The following SKOR1 variants were observed in gnomAD, a reference collection of about 807,000 sequenced individuals.
SKOR1 encodes LBX1 corepressor 1.
SKOR1 carries 38 observed loss-of-function variants against 72.4 expected under a neutral mutation model. The ratio of observed to expected loss-of-function variants is 0.52; its 90% CI spans 0.40 to 0.69. SKOR1 has a LOEUF of 0.69. Ranked by LOEUF, SKOR1 falls within the 30% of genes least tolerant of loss-of-function variation. The pLI is 0.00. For synonymous variants in SKOR1, 642 were observed against 599.4 expected, an observed-to-expected ratio of 1.07 and a Z score of -1.04; for missense variants, 1,320 against 1,343.2, an observed-to-expected ratio of 0.98 and a Z score of 0.27.
chr15:67,827,237 A>T lies in SKOR1; in HGVS notation c.1409A>T (p.Lys470Met). The T allele has an allele frequency of 6.4e-7, 1 of 1,573,948 alleles. No homozygotes were observed. Among genetic ancestry groups the T allele is most frequent in the Non-Finnish European group, 8.6e-7 (1 of 1,168,452 alleles). ...GGGCATCAACCCTCCGGGGCAGCCA[A>T]GGACGCAGCGGCAGTGGCTGCAGCG... ...FWGHQPSGAA[K>M]DAAAVAAAAA... The change falls in exon 2 of 9, where the codon AAG becomes ATG. Residue 470 changes from lysine to methionine, a missense_variant. Around this residue, in one of 3 missense-constraint regions of SKOR1, gnomAD observed 1,099 missense variants for 1,025.5 expected, o/e 1.07. Coordinates refer to ENST00000380035, the MANE Select transcript of SKOR1 (RefSeq NM_001365915.1).
In SKOR1 at chr15:67,825,754, T is replaced by G; in HGVS notation, c.107+45T>G. 8.9e-7 allele frequency: 1 copy of G among 1,126,286 alleles called. No individual in the cohort carries two copies. Among genetic ancestry groups the G allele is most frequent in the Non-Finnish European group, 1.3e-6 (1 of 756,866 alleles). The allele number at this position is 1,126,286 out of a possible 1,614,324, so 69.8% of individuals were successfully genotyped here. A position where few individuals can be genotyped will look rare whatever the true frequency, so the allele number is the denominator to read the frequency against. On this transcript the variant is annotated intron_variant, in intron 1 of 8. Coordinates refer to ENST00000380035, the MANE Select transcript of SKOR1 (RefSeq NM_001365915.1). This position sits in a 1 kb window ranked among gnomAD's most constrained non-coding sequence, Gnocchi z 5.6. The stretch of plus-strand genomic sequence containing the variant: ...CTCCCCCAAGCCCCGGGGGCTGTTG[T>G]TAACGGCGCCAACATGGGTCTGAGT...
In SKOR1 at chr15:67,827,132, G is replaced by C; in HGVS notation, c.1304G>C (p.Gly435Ala). 3 of 1,391,116 alleles carry C rather than the reference G, an allele frequency of 2.2e-6. No individual in the cohort carries two copies. The highest frequency in any genetic ancestry group is 2.8e-6 in the Non-Finnish European group (3 of 1,081,562). The allele number at this position is 1,391,116 out of a possible 1,614,324, so 86.2% of individuals were successfully genotyped here. Residue 435 changes from glycine to alanine, a missense_variant, in exon 2 of 9, where the codon GGC becomes GCC. Around this residue, in one of 3 missense-constraint regions of SKOR1, gnomAD observed 1,099 missense variants for 1,025.5 expected, o/e 1.07. Transcript: ENST00000380035. ...AGCGGCGGCGGCGGCGCGGGGACAG[G>C]CGGGGGTGCGGGGGGCCCGGGAGCC... ...TGSGGGGAGTGGGAGGPGASH... is the reference protein window; with the variant it reads ...TGSGGGGAGTAGGAGGPGASH...
chr15:67,827,853 AGAG>A lies in SKOR1; in HGVS notation c.2029_2031del (p.Glu677del). 1 of 1,600,224 alleles carries A rather than the reference AGAG, an allele frequency of 6.2e-7. No homozygotes were observed. The highest frequency in any genetic ancestry group is 8.5e-7 in the Non-Finnish European group (1 of 1,174,282). On this transcript the variant is annotated inframe_deletion, in exon 2 of 9. Transcript: ENST00000380035. ...GCTTCCCCGACGACGAGGACGCCCA[AGAG>A]GAGACCGAGCCCAGCGCACCCAGCG...
In SKOR1 at chr15:67,826,933, G is replaced by C; in HGVS notation, c.1105G>C (p.Val369Leu). The C allele has an allele frequency of 2.5e-6, 4 of 1,580,174 alleles. No individual in the cohort carries two copies. The highest frequency in any genetic ancestry group is 3.4e-6 in the Non-Finnish European group (4 of 1,171,578). Residue 369 changes from valine (V) to leucine (L), a missense_variant, in exon 2 of 9, where the codon GTA becomes CTA. Coordinates refer to ENST00000380035, the MANE Select transcript of SKOR1 (RefSeq NM_001365915.1). Reference protein sequence around the residue: ...GPGGPGGGAGVRSYPVIPVPS... With the variant: ...GPGGPGGGAGLRSYPVIPVPS... ...AGGAGGGCCCGGTGGCGGCGCCGGC[G>C]TACGAAGCTACCCGGTGATCCCGGT...
At chr15:67,828,749 G>T (rs1039107589) in intron 2 of SKOR1, among the ~76,000 whole-genome samples, 7 of 152,144 alleles carry the variant, frequency 4.6e-5, no homozygotes, top group African/African-American at 1.7e-4. Flanking sequence ...GGCTTGAGGG[G>T]CAGGATGCAG....
chr15:67,834,207 C>A lies in SKOR1; in HGVS notation c.*371C>A, dbSNP rs965273217. The stretch of plus-strand genomic sequence containing the variant: ...GAATACAATGTAGCAACTTCGCTGG[C>A]GCCTGCCCCGCACTCCCCGTCCCGT... On this transcript the variant is annotated 3_prime_UTR_variant, in exon 9 of 9. Transcript: ENST00000380035. This position sits in a 1 kb window ranked among gnomAD's most constrained non-coding sequence, Gnocchi z 5.8. The A allele has an allele frequency of 6.2e-6, 2 of 322,668 alleles. No individual in the cohort carries two copies. The highest frequency in any genetic ancestry group is 6.5e-5 in the South Asian group (2 of 30,596). The allele number at this position is 322,668 out of a possible 1,614,324, so 20.0% of individuals were successfully genotyped here.
chr15:67,830,255 C>T lies in SKOR1; in HGVS notation c.2472C>T (p.Asp824=), dbSNP rs1027409048. The T allele has an allele frequency of 1.9e-6, 3 of 1,614,192 alleles. No individual in the cohort carries two copies. Among genetic ancestry groups the T allele is most frequent in the Non-Finnish European group, 2.5e-6 (3 of 1,180,026 alleles). ...DDLETRKSYP[D]QRSISQPSPA... is the part of the protein sequence containing the mutation. ...TGGAAACGAGGAAATCCTATCCAGA[C>T]CAAAGGAGTATCTCCCAGCCAAGTC... Residue 824 remains aspartate (D), a synonymous_variant, in exon 4 of 9, where the codon GAC becomes GAT. Transcript: ENST00000380035.
chr15:67,830,853 C>G lies in SKOR1; in HGVS notation c.2551C>G (p.His851Asp), dbSNP rs772352654. ...DGLTLDVTGT[H>D]LVEKDIENLA... ...GCTTACCTTGGATGTCACAGGAACT[C>G]ATTTGGTGGAGAAAGATATCGAGAA... The change falls in exon 5 of 9, where the codon CAT becomes GAT. Residue 851 changes from histidine to aspartate, a missense_variant. Around this residue, in one of 3 missense-constraint regions of SKOR1, gnomAD observed 1,099 missense variants for 1,025.5 expected, o/e 1.07. Transcript: ENST00000380035. 2.1e-5 allele frequency: 34 copies of G among 1,614,000 alleles called. No individual in the cohort carries two copies. Among genetic ancestry groups the G allele is most frequent in the Non-Finnish European group, 2.5e-5 (30 of 1,180,038 alleles).
Position 67,828,007 on chromosome 15 carries a change from C to T in SKOR1, c.2179C>T (p.Pro727Ser), listed in dbSNP as rs1309617742. ...PRPRRRLGPP[P>S]AGRPAFGDLA... ...CCCCCGGCGCCGCCTCGGGCCACCC[C>T]CAGCTGGCCGGCCCGCATTTGGGGA... Residue 727 changes from proline to serine, a missense_variant, in exon 2 of 9, where the codon CCA (proline) becomes TCA (serine). Physicochemically the swap from Pro to Ser is moderately conservative, Grantham distance 74. Coordinates refer to ENST00000380035, the MANE Select transcript of SKOR1 (RefSeq NM_001365915.1). 2.6e-6 allele frequency: 4 copies of T among 1,539,938 alleles called. No homozygotes were observed. Among genetic ancestry groups the T allele is most frequent in the South Asian group, 1.2e-5 (1 of 83,556 alleles).
rs1468456887 is a variant in SKOR1, at chr15:67,828,314, C to T, written c.2316+170C>T. Among the ~76,000 whole-genome samples, 3 of 152,186 alleles carry T rather than the reference C, an allele frequency of 2.0e-5. No homozygotes were observed. The East Asian group carries it at 5.8e-4, about 29-fold the overall frequency. ...TGGGCGCGCTGCGAAACTGGGCCCACCCGCACCCTCCAGTGAGGGTTTCGA... is the reference window on the plus strand; with the variant it reads ...TGGGCGCGCTGCGAAACTGGGCCCATCCGCACCCTCCAGTGAGGGTTTCGA... On this transcript the variant is annotated intron_variant, in intron 2 of 8. Coordinates refer to ENST00000380035, the MANE Select transcript of SKOR1 (RefSeq NM_001365915.1).
In SKOR1 at chr15:67,826,715, G is replaced by A. The variant is rs1378380276; in HGVS notation, c.887G>A (p.Gly296Glu). Residue 296 changes from glycine (G) to glutamate (E), a missense_variant, in exon 2 of 9, where the codon GGG (glycine) becomes GAG (glutamate). Coordinates refer to ENST00000380035, the MANE Select transcript of SKOR1 (RefSeq NM_001365915.1). Reference protein sequence around the residue: ...GGGGANGGSGGQGKGGAGGGG... With the variant: ...GGGGANGGSGEQGKGGAGGGG... ...GGCGGTGCCAATGGCGGGTCGGGTG[G>A]GCAGGGGAAGGGTGGTGCTGGCGGC... The A allele has an allele frequency of 1.9e-6, 3 of 1,546,208 alleles. No homozygotes were observed. Among genetic ancestry groups the A allele is most frequent in the African/African-American group, 1.4e-5 (1 of 73,244 alleles).
In SKOR1 at chr15:67,826,603, G is replaced by A. The variant is rs267604298; in HGVS notation, c.775G>A (p.Glu259Lys). Residue 259 changes from glutamate (E) to lysine (K), a missense_variant, in exon 2 of 9, where the codon GAA becomes AAA. Glu to Lys is a moderately conservative substitution (Grantham distance 56, BLOSUM62 1). Transcript: ENST00000380035. ...LKLSDKSATD[E>K]LSHAWEDVKA... ...ACTCAGTGACAAGTCGGCCACAGAC[G>A]AACTGAGCCATGCTTGGGAGGACGT... The A allele has an allele frequency of 6.2e-7, 1 of 1,613,838 alleles. No homozygotes were observed. Among genetic ancestry groups the A allele is most frequent in the South Asian group, 1.1e-5 (1 of 91,062 alleles).
intron 2 of SKOR1, 113 bp from the exon 3 acceptor site, chr15:67,829,066 A>ACCAACCT: frequency 1.0e-6 from 1 of 952,660 alleles, no homozygotes; most frequent in East Asian, 2.7e-5. Flanking sequence ...CAGCGGGCGC[A>ACCAACCT]CCAACCTTTG....
chr15:67,829,177 A>G lies in SKOR1; in HGVS notation c.2317-2A>G. 6.4e-7 allele frequency: 1 copy of G among 1,552,720 alleles called. No homozygotes were observed. Among genetic ancestry groups the G allele is most frequent in the Non-Finnish European group, 8.7e-7 (1 of 1,154,930 alleles). On this transcript the variant is annotated splice_acceptor_variant, in intron 2 of 8. Coordinates refer to ENST00000380035, the MANE Select transcript of SKOR1 (RefSeq NM_001365915.1). LOFTEE classifies it high-confidence loss of function. ...TCGCCTGTCATTTCTCGGCCGTCGC[A>G]GGTGTTCGCGCCCGAGAGGGATGAG...
intron 4 of SKOR1, 63 bp from the exon 5 acceptor site, chr15:67,830,755 C>T (rs1255927051): frequency 6.5e-7 from 1 of 1,529,618 alleles, no homozygotes; most frequent in Non-Finnish European, 9.1e-7. Flanking sequence ...CTGGGAAGCT[C>T]ACCCCTCCCC....
chr15:67,832,175 C>G lies in SKOR1; in HGVS notation c.2588-99C>G, dbSNP rs945347089. On this transcript the variant is annotated intron_variant, in intron 5 of 8. Transcript: ENST00000380035. The surrounding 1 kb of genome is among the most constrained non-coding windows in gnomAD (Gnocchi z 4.5). ...GGGCCTCCACCTACTGGTCATCCTT[C>G]TCAACTCTCCTTTCAGGGTTGTTGG... 2.7e-6 allele frequency: 3 copies of G among 1,092,838 alleles called. No homozygotes were observed. Among genetic ancestry groups the G allele is most frequent in the Non-Finnish European group, 4.2e-6 (3 of 720,452 alleles). The allele number at this position is 1,092,838 out of a possible 1,614,324, so 67.7% of individuals were successfully genotyped here. A position where few individuals can be genotyped will look rare whatever the true frequency, so the allele number is the denominator to read the frequency against.
chr15:67,832,413 T>G lies in SKOR1; in HGVS notation c.2662+65T>G, dbSNP rs2091015291. On this transcript the variant is annotated intron_variant, in intron 6 of 8. Transcript: ENST00000380035. The surrounding 1 kb of genome is among the most constrained non-coding windows in gnomAD (Gnocchi z 4.5). The stretch of plus-strand genomic sequence containing the variant: ...AGCCTTCCACCAGGGTGCCCCGACC[T>G]ACTCCGAAAGCCGGGTGCCAGGCAA... The G allele has an allele frequency of 3.8e-6, 6 of 1,568,474 alleles. No individual in the cohort carries two copies. The East Asian group carries it at 1.3e-4, about 35-fold the overall frequency.
Position 67,832,530 on chromosome 15 carries a change from G to C in SKOR1, c.2663-77G>C, listed in dbSNP as rs535167086. On this transcript the variant is annotated intron_variant, in intron 6 of 8. Transcript: ENST00000380035. This position sits in a 1 kb window ranked among gnomAD's most constrained non-coding sequence, Gnocchi z 4.5. ...GTGGGAGTTGGGGGTAGGGGTGAAAGGGGGGGCCAGGAGTGAGAAAGTGGA... is the reference window on the plus strand; with the variant it reads ...GTGGGAGTTGGGGGTAGGGGTGAAACGGGGGGCCAGGAGTGAGAAAGTGGA... 3 of 1,413,444 alleles carry C rather than the reference G, an allele frequency of 2.1e-6. No individual in the cohort carries two copies. The highest frequency in any genetic ancestry group is 1.4e-5 in the African/African-American group (1 of 71,044). The allele number at this position is 1,413,444 out of a possible 1,614,324, so 87.6% of individuals were successfully genotyped here.
chr15:67,832,796 T>C lies in SKOR1; in HGVS notation c.2737+115T>C. On this transcript the variant is annotated intron_variant, in intron 7 of 8. Coordinates refer to ENST00000380035, the MANE Select transcript of SKOR1 (RefSeq NM_001365915.1). This position sits in a 1 kb window ranked among gnomAD's most constrained non-coding sequence, Gnocchi z 4.5. ...AAATTGAAGGTAATTTAACAATTAT[T>C]TTTTTATTTAATATGCTTTGTATAC... 1.1e-6 allele frequency: 1 copy of C among 889,590 alleles called. No homozygotes were observed. Among genetic ancestry groups the C allele is most frequent in the Non-Finnish European group, 1.8e-6 (1 of 564,814 alleles). The allele number at this position is 889,590 out of a possible 1,614,324, so 55.1% of individuals were successfully genotyped here. A position where few individuals can be genotyped will look rare whatever the true frequency, so the allele number is the denominator to read the frequency against.
Sources: allele counts gnomAD v4.1 joint callset (sites outside exome capture counted in the v4.1 genomes callset), GRCh38; gene constraint gnomAD v4.1.1; regional missense constraint gnomAD v4.1.1; non-coding constraint Gnocchi (gnomAD v3.1); transcripts MANE v1.5; gene names NCBI Gene and HGNC (gene_info 2026-07-23, HGNC 2026-07-21).